KDM4C: variants seen among roughly 807,000 people sequenced by gnomAD.
KDM4C encodes the protein lysine-specific demethylase 4C.
Under a neutral mutation model 129.3 loss-of-function variants are expected in KDM4C, and 81 were observed. That is an observed-to-expected ratio of 0.63 (90% confidence interval 0.52 to 0.75). The LOEUF is 0.75. Among genes scored for constraint, KDM4C ranks in the 30% least tolerant of loss-of-function variants. KDM4C has a pLI of 0.00. For missense variants in KDM4C, 1,457 were observed against 1,304.0 expected (o/e 1.12, Z -1.81); for synonymous variants, 573 against 456.1 (o/e 1.26, Z -3.26).
chr9:7,132,146 A>G (rs956665016), intron 19 of KDM4C, among the ~76,000 whole-genome samples: 3 of 152,234 alleles, frequency 2.0e-5, no homozygotes, highest in Admixed American at 6.5e-5. Flanking sequence ...AATTTAGGAT[A>G]TCAAGTTTAA....
At chr9:6,837,975 A>T (rs1263808599) in intron 4 of KDM4C, among the ~76,000 whole-genome samples, 1 of 152,060 alleles carries the variant, frequency 6.6e-6, no homozygotes, top group Non-Finnish European at 1.5e-5. Context: ...ATCTCATTGT[A>T]TTTCTGTACT....
rs1840640398 is a variant in KDM4C, at chr9:7,131,518, A to G, written c.2781+3282A>G. On this transcript the variant is annotated intron_variant, in intron 19 of 21. Transcript: ENST00000381309. ...ATTTTTGTAGAGATGGGGTCTCACC[A>G]TGTTGCCCAGGCTGGTCTTGAACTC... Among the ~76,000 whole-genome samples the G allele has an allele frequency of 2.0e-5, 3 of 151,814 alleles. No homozygotes were observed. In the South Asian group the frequency reaches 6.2e-4, roughly 32 times the overall value.
chr9:6,811,418 C>G (rs755552209), intron 3 of KDM4C, among the ~76,000 whole-genome samples: 20 of 152,078 alleles, frequency 1.3e-4, no homozygotes, highest in Non-Finnish European at 2.8e-4. Context: ...TCCCAAAGTG[C>G]TGGGATCTTT....
At chr9:7,071,160 AAAG>A (rs1833141814) in intron 17 of KDM4C, among the ~76,000 whole-genome samples, 1 of 152,226 alleles carries the variant, frequency 6.6e-6, no homozygotes, top group Non-Finnish European at 1.5e-5. Context: ...AAAGGAAATC[AAAG>A]AATAGCTAAA....
At chr9:6,951,037 A>G (rs988232322) in intron 8 of KDM4C, among the ~76,000 whole-genome samples, 3 of 152,028 alleles carry the variant, frequency 2.0e-5, no homozygotes, top group African/African-American at 7.2e-5. Context: ...ATTTTATTTT[A>G]TTAATTTTTT....
chr9:7,074,296 T>A (rs1300734854), intron 17 of KDM4C, among the ~76,000 whole-genome samples: 1 of 152,168 alleles, frequency 6.6e-6, no homozygotes. Context: ...CCCAGGTAGC[T>A]AGGATTACAG....
intron 9 of KDM4C, chr9:6,982,144 A>C (rs894978010): frequency 7.9e-5 from 12 of 151,810 alleles, no homozygotes; most frequent in Non-Finnish European, 1.6e-4. Context: ...GCTTGTGTCC[A>C]CTTTTTTGAT....
intron 21 of KDM4C, among the ~76,000 whole-genome samples, chr9:7,173,698 C>G (rs575619880): frequency 7.3e-4 from 111 of 152,280 alleles, no homozygotes; most frequent in Non-Finnish European, 1.9e-4. Flanking sequence ...GCCAATGTAA[C>G]TGGGTGCATG....
chr9:6,723,319 G>A (rs1817018236), intron 1 of KDM4C, among the ~76,000 whole-genome samples: 1 of 152,100 alleles, frequency 6.6e-6, no homozygotes, highest in Non-Finnish European at 1.5e-5. Context: ...AGGTTGCAGT[G>A]AGACGAGGTC....
chr9:7,094,835 T>G (rs573215518), intron 17 of KDM4C, among the ~76,000 whole-genome samples: 15 of 152,304 alleles, frequency 9.8e-5, no homozygotes, highest in African/African-American at 3.4e-4. Context: ...GCTAGCATAA[T>G]TGAAAGACAA....
At chr9:7,171,799 C>A (rs1195433111) in intron 21 of KDM4C, among the ~76,000 whole-genome samples, 1 of 151,950 alleles carries the variant, frequency 6.6e-6, no homozygotes, top group Non-Finnish European at 1.5e-5. Flanking sequence ...AACAAGCTCA[C>A]CAACATTCAA....
At chr9:6,906,319 G>A (rs1257152811) in intron 8 of KDM4C, among the ~76,000 whole-genome samples, 1 of 152,136 alleles carries the variant, frequency 6.6e-6, no homozygotes, top group Non-Finnish European at 1.5e-5. Flanking sequence ...CTCGTTTGTG[G>A]AAACTCCACA....
intron 4 of KDM4C, among the ~76,000 whole-genome samples, chr9:6,838,959 G>C (rs1485484104): frequency 6.6e-6 from 1 of 152,174 alleles, no homozygotes; most frequent in Non-Finnish European, 1.5e-5. Flanking sequence ...ATACACTATG[G>C]TGTGAAATGG....
intron 19 of KDM4C, among the ~76,000 whole-genome samples, chr9:7,134,577 TTAGC>T (rs2129692367): frequency 6.6e-6 from 1 of 152,342 alleles, no homozygotes; most frequent in Non-Finnish European, 1.5e-5. Context: ...CAGACATTAG[TTAGC>T]TTGAATTCTC....
intron 4 of KDM4C, among the ~76,000 whole-genome samples, chr9:6,829,507 A>G (rs2131301781): frequency 6.6e-6 from 1 of 152,336 alleles, no homozygotes; most frequent in African/African-American, 2.4e-5. Context: ...TTTCAGCTGG[A>G]AAAAACTTTG....
chr9:7,022,637 C>CTTTCTT lies in KDM4C; in HGVS notation c.2259+6711_2259+6712insCTTTTT, dbSNP rs1554703014. Among the ~76,000 whole-genome samples, 75 of 133,974 alleles carry CTTTCTT rather than the reference C, an allele frequency of 5.6e-4. 2 individuals are homozygous for CTTTCTT. Among genetic ancestry groups the CTTTCTT allele is most frequent in the African/African-American group, 2.0e-3 (73 of 36,486 alleles). The allele number at this position is 133,974 out of a possible 152,430, so 87.9% of individuals were successfully genotyped here. A position where few individuals can be genotyped will look rare whatever the true frequency, so the allele number is the denominator to read the frequency against. ...TTTCCAATTTGCAAACCCTTTATTT[C>CTTTCTT]TTTTTTTTTTTTTTGTCTGATTACG... is the stretch of plus-strand genomic sequence containing the variant. On this transcript the variant is annotated intron_variant, in intron 15 of 21. Transcript: ENST00000381309.
intron 4 of KDM4C, among the ~76,000 whole-genome samples, chr9:6,828,599 G>C (rs1046689228): frequency 6.6e-6 from 1 of 151,836 alleles, no homozygotes; most frequent in African/African-American, 2.4e-5. Context: ...GGCCAGGTGC[G>C]GTGGCTCACG....
intron 19 of KDM4C, among the ~76,000 whole-genome samples, chr9:7,159,888 G>A (rs1334373439): frequency 6.6e-6 from 1 of 152,158 alleles, no homozygotes; most frequent in Non-Finnish European, 1.5e-5. Flanking sequence ...CGCTTGCTAG[G>A]TTGGGGACGT....
At chr9:6,893,293 A>G (rs1224911185) in intron 8 of KDM4C, 61 bp downstream of exon 8, 2 of 1,387,970 alleles carry the variant, frequency 1.4e-6, no homozygotes, top group Admixed American at 1.9e-5. Context: ...TTTTAGTAGG[A>G]ACCCTACGAT....
Sources: gnomAD v4.1 joint callset for allele counts (sites outside exome capture counted in the v4.1 genomes callset) on GRCh38, gnomAD v4.1.1 for gene constraint, MANE v1.5 for transcripts, NCBI Gene and HGNC (gene_info 2026-07-23, HGNC 2026-07-21) for gene names.